Variants in DDX10 observed in about 807,000 individuals in gnomAD.
The protein encoded by DDX10 is DEAD-box helicase 10, also known as probable ATP-dependent RNA helicase DDX10.
A neutral mutation model predicts 104.3 loss-of-function variants in DDX10; 74 were observed. The observed-to-expected ratio is 0.71, with a 90% CI of 0.59 to 0.86. DDX10 has a LOEUF of 0.86. Ranked by LOEUF, DDX10 falls within the 40% of genes least tolerant of loss-of-function variation. The pLI, the probability that DDX10 is intolerant of heterozygous loss-of-function variation, is 0.00. For missense variants in DDX10, 952 were observed against 1,040.0 expected, an observed-to-expected ratio of 0.92 and a Z score of 1.16; for synonymous variants, 351 against 353.4, an observed-to-expected ratio of 0.99 and a Z score of 0.08.
intron 13 of DDX10, among the ~76,000 whole-genome samples, chr11:108,778,440 G>A (rs1174567753): frequency 1.3e-4 from 20 of 149,826 alleles, no homozygotes; most frequent in African/African-American, 4.0e-4. Context: ...ACAAGCAATG[G>A]GGAAAGGATT....
rs10582729 is a variant in DDX10 at position 108,750,926 on chromosome 11, CTTTTTTTTTTTTTTTTTTTTTTTTTTTTT to C, written c.1965+27474_1965+27502del. Among the ~76,000 whole-genome samples the C allele has an allele frequency of 4.0e-3, 98 of 24,266 alleles. 2 individuals are homozygous for C. Among genetic ancestry groups the C allele is most frequent in the African/African-American group, 9.0e-3 (95 of 10,580 alleles). The allele number at this position is 24,266 out of a possible 152,430, so 15.9% of individuals were successfully genotyped here. ...ACATGTGCATCACCACACCTGGTTA[CTTTTTTTTTTTTTTTTTTTTTTTTTTTTT>C]TTTTTTTTTAGAGATGGGCTTTCAC... On this transcript the variant is annotated intron_variant, in intron 13 of 17. Coordinates refer to ENST00000322536, the MANE Select transcript of DDX10 (RefSeq NM_004398.4).
At position 108,670,648 on chromosome 11, in the gene DDX10, T is replaced by C. The variant is rs1375325681; in HGVS notation, c.187-2819T>C. Among the ~76,000 whole-genome samples the C allele has an allele frequency of 2.1e-5, 3 of 142,458 alleles. No homozygotes were observed. The East Asian group carries it at 5.8e-4, about 27-fold the overall frequency. 93.5% of individuals were successfully genotyped at this position (142,458 alleles called of 152,430 possible). A position where few individuals can be genotyped will look rare whatever the true frequency, so the allele number is the denominator to read the frequency against. Reference sequence around the variant, plus strand: ...GGGTGGTGTGTGTTGGAGGGGCTGCTGGAAAACTGGGGATTGAGGCTCACT... The same window carrying C: ...GGGTGGTGTGTGTTGGAGGGGCTGCCGGAAAACTGGGGATTGAGGCTCACT... On this transcript the variant is annotated intron_variant, in intron 1 of 17. Transcript: ENST00000322536.
At chr11:108,853,537 G>A (rs1335923213) in intron 16 of DDX10, among the ~76,000 whole-genome samples, 5 of 151,272 alleles carry the variant, frequency 3.3e-5, no homozygotes, top group South Asian at 2.1e-4. Flanking sequence ...GTGTATGCTC[G>A]ATTTTTTTTT....
At chr11:108,931,673 G>C (rs1258720414) in intron 17 of DDX10, among the ~76,000 whole-genome samples, 2 of 152,168 alleles carry the variant, frequency 1.3e-5, no homozygotes, top group Non-Finnish European at 2.9e-5. Context: ...AGTTAAACTT[G>C]ATAGAGACGA....
intron 6 of DDX10, among the ~76,000 whole-genome samples, chr11:108,685,598 T>G (rs141659052): frequency 0.016 from 2,371 of 152,320 alleles, 60 homozygotes; most frequent in African/African-American, 0.054. Flanking sequence ...TAGCAGGATC[T>G]GGTATATAAA....
chr11:108,779,283 A>C (rs954059063), intron 13 of DDX10, among the ~76,000 whole-genome samples: 8 of 152,238 alleles, frequency 5.3e-5, no homozygotes, highest in Admixed American at 2.6e-4. Context: ...ACTTGGACCC[A>C]ACCCAAATGT....
intron 17 of DDX10, chr11:108,918,920 G>C (rs931502801): frequency 6.6e-6 from 1 of 152,166 alleles, no homozygotes; most frequent in Non-Finnish European, 1.5e-5. Context: ...GATAGAGTTA[G>C]TATGATTGAA....
chr11:108,723,461 A>C lies in DDX10; in HGVS notation c.1964A>C (p.Gln655Pro), dbSNP rs150262284. Residue 655 changes from glutamine to proline, a missense_variant and splice_region_variant, in exon 13 of 18, where the codon CAG becomes CCG. Transcript: ENST00000322536. ...GACCTTAAAGACGAGAAAACATTAC[A>C]GGTAAGTTTACTCCCAGTGGAGGGT... ...GLDLKDEKTL[Q>P]KKEPSKSSIK... The C allele has an allele frequency of 6.2e-7, 1 of 1,608,594 alleles. No homozygotes were observed. Among genetic ancestry groups the C allele is most frequent in the Non-Finnish European group, 8.5e-7 (1 of 1,177,546 alleles).
chr11:108,732,686 G>A lies in DDX10; in HGVS notation c.1965+9224G>A, dbSNP rs1044073806. Among the ~76,000 whole-genome samples, 4 of 152,230 alleles carry A rather than the reference G, an allele frequency of 2.6e-5. No individual in the cohort carries two copies. In the South Asian group the frequency reaches 8.3e-4, roughly 32 times the overall value. On this transcript the variant is annotated intron_variant, in intron 13 of 17. Transcript: ENST00000322536. The stretch of plus-strand genomic sequence containing the variant: ...CAATAAGACATGTGCAGGAGAGAGC[G>A]CAGGTGTAGTGATCAGGCACAAAGG...
intron 13 of DDX10, among the ~76,000 whole-genome samples, chr11:108,737,903 C>G (rs2094320337): frequency 1.3e-5 from 2 of 152,096 alleles, no homozygotes; most frequent in Non-Finnish European, 2.9e-5. Flanking sequence ...ATTCTTCCAC[C>G]TGCGTGCATT....
At chr11:108,694,223 C>T (rs990931056) in intron 9 of DDX10, among the ~76,000 whole-genome samples, 4 of 152,080 alleles carry the variant, frequency 2.6e-5, no homozygotes, top group African/African-American at 9.7e-5. Flanking sequence ...GTAACTGAAA[C>T]CACAGAAAGC....
At chr11:108,795,850 A>G (rs951321303) in intron 13 of DDX10, among the ~76,000 whole-genome samples, 3 of 152,190 alleles carry the variant, frequency 2.0e-5, no homozygotes, top group African/African-American at 7.2e-5. Flanking sequence ...TCCTTTGGGT[A>G]TATACCCAGT....
intron 13 of DDX10, among the ~76,000 whole-genome samples, chr11:108,754,603 C>G (rs1454042934): frequency 2.0e-5 from 3 of 151,844 alleles, no homozygotes; most frequent in African/African-American, 7.3e-5. Flanking sequence ...ATTAAAAGCA[C>G]TTGGAAATGA....
chr11:108,666,929 C>G lies in DDX10; in HGVS notation c.186+1590C>G, dbSNP rs116334923. Reference sequence around the variant, plus strand: ...CCACATCCTAGCTCCACCATCTCAGCAGACCGTAGAGCTAGAAACCTAGGA... The same window carrying G: ...CCACATCCTAGCTCCACCATCTCAGGAGACCGTAGAGCTAGAAACCTAGGA... On this transcript the variant is annotated intron_variant, in intron 1 of 17. Coordinates refer to ENST00000322536, the MANE Select transcript of DDX10 (RefSeq NM_004398.4). Among the ~76,000 whole-genome samples the G allele has an allele frequency of 6.7e-3, 1,028 of 152,312 alleles. 12 individuals are homozygous for G. Among genetic ancestry groups the G allele is most frequent in the African/African-American group, 0.023 (964 of 41,562 alleles).
intron 13 of DDX10, among the ~76,000 whole-genome samples, chr11:108,730,866 G>A (rs1055546484): frequency 1.4e-5 from 2 of 144,062 alleles, no homozygotes; most frequent in Non-Finnish European, 3.0e-5. Context: ...TTTTTTTACT[G>A]TAATAAATTT....
At chr11:108,888,329 AATACTT>A (rs1863328603) in intron 16 of DDX10, among the ~76,000 whole-genome samples, 1 of 152,148 alleles carries the variant, frequency 6.6e-6, no homozygotes, top group Admixed American at 6.5e-5. Context: ...CAATTATCTT[AATACTT>A]ATACTTGTTC....
At chr11:108,855,695 G>T (rs12794068) in intron 16 of DDX10, among the ~76,000 whole-genome samples, 1 of 151,874 alleles carries the variant, frequency 6.6e-6, no homozygotes, top group South Asian at 2.1e-4. Flanking sequence ...TCCTGACCCC[G>T]TGATCCACCC....
At chr11:108,697,845 A>G (rs1234261821) in intron 9 of DDX10, among the ~76,000 whole-genome samples, 1 of 152,214 alleles carries the variant, frequency 6.6e-6, no homozygotes, top group East Asian at 1.9e-4. Context: ...AATAGACATC[A>G]GATATTCTCA....
rs180991704 is a variant in DDX10 at position 108,748,830 on chromosome 11, A to G, written c.1965+25368A>G. On this transcript the variant is annotated intron_variant, in intron 13 of 17. Coordinates refer to ENST00000322536, the MANE Select transcript of DDX10 (RefSeq NM_004398.4). ...CAGGCAGCTGGGACTATAGGTACAC[A>G]CTATCATGCCTGCCTAATGTTTTTA... Among the ~76,000 whole-genome samples, 377 of 152,152 alleles carry G rather than the reference A, an allele frequency of 2.5e-3. 1 individual carries two copies. Among genetic ancestry groups the G allele is most frequent in the African/African-American group, 7.6e-3 (316 of 41,526 alleles).
Sources: gnomAD v4.1 joint callset for allele counts (sites outside exome capture counted in the v4.1 genomes callset) on GRCh38, gnomAD v4.1.1 for gene constraint, MANE v1.5 for transcripts, NCBI Gene and HGNC (gene_info 2026-07-23, HGNC 2026-07-21) for gene names.